Variants in CDKAL1 observed in about 807,000 individuals in gnomAD.
The protein encoded by CDKAL1 is CDKAL1 threonylcarbamoyladenosine tRNA methylthiotransferase.
CDKAL1 carries 32 observed loss-of-function variants against 68.2 expected under a neutral mutation model. That is an observed-to-expected ratio of 0.47 (90% CI 0.35 to 0.63). The LOEUF is 0.63. Ranked by LOEUF, CDKAL1 falls within the 30% of genes least tolerant of loss-of-function variation. The probability of loss-of-function intolerance (pLI) is 0.00; values close to 1 mark genes in which losing one functional copy is unlikely to be tolerated. For synonymous variants in CDKAL1, 234 were observed against 244.3 expected (o/e 0.96, Z 0.39); for missense variants, 606 against 696.7 (o/e 0.87, Z 1.47).
chr6:20,846,062 A>G lies in CDKAL1; in HGVS notation c.639-13A>G. On this transcript the variant is annotated splice_polypyrimidine_tract_variant and intron_variant, in intron 8 of 15. Coordinates refer to ENST00000274695, the MANE Select transcript of CDKAL1 (RefSeq NM_017774.3). ...AGAAATTTGAGTCTTATTTATTGTT[A>G]TCATTTGAACAGGTGTCTCAATGCT... The G allele has an allele frequency of 6.4e-7, 1 of 1,564,252 alleles. No individual in the cohort carries two copies. The highest frequency in any genetic ancestry group is 8.8e-7 in the Non-Finnish European group (1 of 1,140,478).
intron 4 of CDKAL1, among the ~76,000 whole-genome samples, chr6:20,615,988 T>C (rs1766877254): frequency 6.6e-6 from 1 of 150,578 alleles, no homozygotes; most frequent in Non-Finnish European, 1.5e-5. Flanking sequence ...CAGTTTCAGC[T>C]TTCTACATAT....
intron 5 of CDKAL1, among the ~76,000 whole-genome samples, chr6:20,733,335 A>G (rs541669631): frequency 1.5e-4 from 23 of 152,250 alleles, no homozygotes; most frequent in African/African-American, 4.8e-4. Context: ...ATCAGTGACT[A>G]TCTTTGTGTC....
At chr6:20,778,496 A>G (rs1449871005) in intron 7 of CDKAL1, among the ~76,000 whole-genome samples, 1 of 152,232 alleles carries the variant, frequency 6.6e-6, no homozygotes, top group Non-Finnish European at 1.5e-5. Context: ...ATTAGTTGGG[A>G]CCAATGGGTG....
chr6:20,692,746 A>C (rs955019906), intron 5 of CDKAL1, among the ~76,000 whole-genome samples: 26 of 151,956 alleles, frequency 1.7e-4, no homozygotes, highest in Admixed American at 3.9e-4. Flanking sequence ...TTAAAAAAAA[A>C]CCCTAACCTA....
chr6:20,980,763 G>A (rs1451842622), intron 10 of CDKAL1, among the ~76,000 whole-genome samples: 1 of 152,124 alleles, frequency 6.6e-6, no homozygotes, highest in East Asian at 1.9e-4. Flanking sequence ...AGAGGGAGGT[G>A]TGAGAGGATA....
At chr6:21,216,104 C>G (rs1779332733) in intron 15 of CDKAL1, among the ~76,000 whole-genome samples, 1 of 152,206 alleles carries the variant, frequency 6.6e-6, no homozygotes, top group South Asian at 2.1e-4. Context: ...TTCTCCCCTA[C>G]AGCCCTAGAA....
chr6:21,058,908 C>T (rs1242119447), intron 11 of CDKAL1, among the ~76,000 whole-genome samples: 1 of 152,224 alleles, frequency 6.6e-6, no homozygotes, highest in East Asian at 1.9e-4. Context: ...CGGAGACCTG[C>T]TTAATGAAGC....
rs142155573 is a variant in CDKAL1, at chr6:20,608,018, G to A, written c.287-41275G>A. Reference sequence around the variant, plus strand: ...CCCAAGGTAACTCTTAATAAATACAGCAATAGCTCAGGGTACTTACATCTG... The same window carrying A: ...CCCAAGGTAACTCTTAATAAATACAACAATAGCTCAGGGTACTTACATCTG... On this transcript the variant is annotated intron_variant, in intron 4 of 15. Coordinates refer to ENST00000274695, the MANE Select transcript of CDKAL1 (RefSeq NM_017774.3). Among the ~76,000 whole-genome samples, 598 of 152,258 alleles carry A rather than the reference G, an allele frequency of 3.9e-3. 3 individuals carry two copies. The highest frequency in any genetic ancestry group is 6.3e-3 in the Non-Finnish European group (426 of 68,020).
At chr6:20,714,536 G>A (rs752728350) in intron 5 of CDKAL1, among the ~76,000 whole-genome samples, 6 of 151,250 alleles carry the variant, frequency 4.0e-5, no homozygotes, top group Non-Finnish European at 7.4e-5. Flanking sequence ...CTACAGGTGC[G>A]CACCCACCAT....
intron 4 of CDKAL1, among the ~76,000 whole-genome samples, chr6:20,646,858 C>T (rs1465133793): frequency 1.3e-5 from 2 of 152,118 alleles, no homozygotes; most frequent in East Asian, 1.9e-4. Flanking sequence ...ATTCTTCTGC[C>T]TCAGCCTCCT....
intron 13 of CDKAL1, among the ~76,000 whole-genome samples, chr6:21,163,283 A>G (rs1245306033): frequency 6.6e-6 from 1 of 152,122 alleles, no homozygotes; most frequent in East Asian, 1.9e-4. Context: ...GGTCGGTTTT[A>G]TAACCTCCTC....
At chr6:20,593,557 C>G (rs1337034773) in intron 4 of CDKAL1, among the ~76,000 whole-genome samples, 1 of 149,688 alleles carries the variant, frequency 6.7e-6, no homozygotes, top group Non-Finnish European at 1.5e-5. Flanking sequence ...CGATTCTTCT[C>G]TCTTTTCTTC....
rs71540608 is a variant in CDKAL1, at chr6:21,003,343, AATAT to A, written c.1055+2997_1055+3000del. Among the ~76,000 whole-genome samples, 205 of 40,434 alleles carry A rather than the reference AATAT, an allele frequency of 5.1e-3. 17 individuals carry two copies. The highest frequency in any genetic ancestry group is 0.015 in the African/African-American group (171 of 11,290). The allele number at this position is 40,434 out of a possible 152,430, so 26.5% of individuals were successfully genotyped here. ...CAACATGGTGAAACCATCTCTACTA[AATAT>A]ATATATATATATATATATATATATA... is the stretch of plus-strand genomic sequence containing the variant. On this transcript the variant is annotated intron_variant, in intron 11 of 15. Transcript: ENST00000274695.
intron 15 of CDKAL1, among the ~76,000 whole-genome samples, chr6:21,227,178 G>A (rs755074144): frequency 2.0e-5 from 3 of 152,140 alleles, no homozygotes; most frequent in South Asian, 2.1e-4. Flanking sequence ...TGTGTGTGTC[G>A]ACTTTTTCTA....
intron 5 of CDKAL1, among the ~76,000 whole-genome samples, chr6:20,650,614 A>G (rs565968703): frequency 2.0e-5 from 3 of 152,278 alleles, no homozygotes; most frequent in East Asian, 3.9e-4. Flanking sequence ...TGTTTTCATC[A>G]TGAAATCTTT....
intron 4 of CDKAL1, among the ~76,000 whole-genome samples, chr6:20,620,079 G>A (rs192442821): frequency 1.7e-4 from 26 of 152,212 alleles, no homozygotes; most frequent in African/African-American, 4.6e-4. Flanking sequence ...TTTTCTTCCC[G>A]TAGATTCTCA....
At chr6:21,189,651 T>C (rs1385666722) in intron 13 of CDKAL1, among the ~76,000 whole-genome samples, 2 of 152,370 alleles carry the variant, frequency 1.3e-5, no homozygotes, top group East Asian at 3.9e-4. Context: ...GGCTCATTAC[T>C]TGTTTTCTAT....
At chr6:20,594,702 G>A (rs1765744186) in intron 4 of CDKAL1, among the ~76,000 whole-genome samples, 1 of 152,170 alleles carries the variant, frequency 6.6e-6, no homozygotes, top group South Asian at 2.1e-4. Flanking sequence ...GTTGTTATAT[G>A]TGAATTTGAT....
At chr6:21,128,813 A>C (rs1046586653) in intron 13 of CDKAL1, among the ~76,000 whole-genome samples, 3 of 152,374 alleles carry the variant, frequency 2.0e-5, no homozygotes, top group African/African-American at 7.2e-5. Context: ...GCTTAGGGCA[A>C]ATCTCTAAAT....
Sources: allele counts gnomAD v4.1 joint callset (sites outside exome capture counted in the v4.1 genomes callset), GRCh38; gene constraint gnomAD v4.1.1; transcripts MANE v1.5; gene names NCBI Gene and HGNC (gene_info 2026-07-23, HGNC 2026-07-21).